Variants in FMR1 observed in about 807,000 individuals in gnomAD.
FMR1 encodes the protein FMRP translational regulator 1.
A neutral mutation model predicts 50.6 loss-of-function variants in FMR1; 13 were observed. The ratio of observed to expected loss-of-function variants is 0.26; its 90% CI spans 0.17 to 0.41. The LOEUF (loss-of-function observed/expected upper bound fraction) is 0.41, where lower values mean the gene tolerates loss of function less well. Among genes scored for constraint, FMR1 ranks in the 10% least tolerant of loss-of-function variants. FMR1 has a pLI of 1.00. For missense variants in FMR1, 316 were observed against 491.3 expected, an observed-to-expected ratio of 0.64 and a Z score of 3.37; for synonymous variants, 138 against 164.1, an observed-to-expected ratio of 0.84 and a Z score of 1.22.
chrX:147,919,722 CT>C (rs1557176048), intron 1 of FMR1, among the ~76,000 whole-genome samples: 2 of 112,095 alleles, frequency 1.8e-5, no homozygotes, highest in African/African-American at 6.5e-5. Context: ...CGTAGCTTTA[CT>C]TTTATTTAAG....
chrX:147,916,203 AT>A (rs1557175174), intron 1 of FMR1, among the ~76,000 whole-genome samples: 1 of 112,536 alleles, frequency 8.9e-6, no homozygotes, highest in Non-Finnish European at 1.9e-5. Context: ...AAACTGAAGT[AT>A]TCAAAAGTTA....
chrX:147,925,658 A>G (rs375330839), intron 3 of FMR1, 25 bp downstream of exon 3: 26 of 961,341 alleles, frequency 2.7e-5, no homozygotes, highest in Non-Finnish European at 3.9e-5. Context: ...CCATAAAGTC[A>G]TTTAGCACTG....
At chrX:147,913,307 A>G (rs2042685378) in intron 1 of FMR1, 1 of 112,326 alleles carries the variant, frequency 8.9e-6, no homozygotes, top group East Asian at 2.8e-4. Flanking sequence ...TACAAATTTG[A>G]TGTAGCAGTA....
intron 1 of FMR1, 145 bp downstream of exon 1, chrX:147,912,375 GA>G: frequency 1.8e-6 from 1 of 557,657 alleles, no homozygotes; most frequent in Non-Finnish European, 2.9e-6. Flanking sequence ...TGTTGGGAGG[GA>G]AGGACTGGAC....
chrX:147,921,790 A>C (rs1602957229), intron 1 of FMR1, 143 bp from the exon 2 acceptor site: 2 of 464,304 alleles, frequency 4.3e-6, no homozygotes, highest in Admixed American at 3.4e-5. Context: ...TTAATGAATA[A>C]AATGATCTTC....
At chrX:147,940,017 C>T (rs1379370227) in intron 12 of FMR1, 18 of 105,367 alleles carry the variant, frequency 1.7e-4, no homozygotes, top group African/African-American at 5.2e-4. Flanking sequence ...AAACATTAGC[C>T]GGGCGTAGTG....
chrX:147,939,933 G>A (rs1557180369), intron 12 of FMR1, among the ~76,000 whole-genome samples: 2 of 101,370 alleles, frequency 2.0e-5, no homozygotes, highest in Admixed American at 1.1e-4. Flanking sequence ...AGGCGGAGGC[G>A]GGCGGATCAC....
intron 9 of FMR1, 53 bp from the exon 10 acceptor site, chrX:147,936,451 A>G: frequency 1.4e-6 from 1 of 735,040 alleles, no homozygotes. Flanking sequence ...GGCTGTGCTT[A>G]CTGCTTTGAG....
At chrX:147,944,434 A>G in intron 14 of FMR1, 1 of 753,430 alleles carries the variant, frequency 1.3e-6, no homozygotes, top group Non-Finnish European at 1.6e-6. Context: ...GAAATGACCA[A>G]AATATATACA....
Position 147,950,679 on chromosome X carries a change from T to C in FMR1, c.*1835T>C, listed in dbSNP as rs1557183505. ...TCCTTACAAATGATTGCTTTTAAAA[T>C]TTTAAGCTAGGAAAAGAAATCTATA... On this transcript the variant is annotated 3_prime_UTR_variant, in exon 17 of 17. Coordinates refer to ENST00000370475, the MANE Select transcript of FMR1 (RefSeq NM_002024.6). The C allele has an allele frequency of 6.1e-6, 2 of 326,497 alleles. No homozygotes were observed. The highest frequency in any genetic ancestry group is 6.3e-5 in the Admixed American group (2 of 31,744). The allele number at this position is 326,497 out of a possible 1,213,427, so 26.9% of individuals were successfully genotyped here.
intron 1 of FMR1, chrX:147,913,607 T>G (rs2124398465): frequency 8.9e-6 from 1 of 112,403 alleles, no homozygotes; most frequent in East Asian, 2.8e-4. Context: ...TGGAGATCAG[T>G]ATATTTCATA....
At position 147,912,077 on chromosome X, in the gene FMR1, G is replaced by A; in HGVS notation, c.-103G>A. 1 of 366,002 alleles carries A rather than the reference G, an allele frequency of 2.7e-6. No homozygotes were observed. The highest frequency in any genetic ancestry group is 1.3e-4 in the South Asian group (1 of 7,858). The allele number at this position is 366,002 out of a possible 1,213,427, so 30.2% of individuals were successfully genotyped here. A position where few individuals can be genotyped will look rare whatever the true frequency, so the allele number is the denominator to read the frequency against. Reference sequence around the variant, plus strand: ...GGCGGCGGCGGCGGCGGCGGCGGCGGCGGAGGCGGCGGCGGCGGCGGCGGC... The same window carrying A: ...GGCGGCGGCGGCGGCGGCGGCGGCGACGGAGGCGGCGGCGGCGGCGGCGGC... On this transcript the variant is annotated 5_prime_UTR_variant, in exon 1 of 17. Transcript: ENST00000370475.
chrX:147,936,981 A>G (rs2043810504), intron 10 of FMR1, among the ~76,000 whole-genome samples: 1 of 111,848 alleles, frequency 8.9e-6, no homozygotes, highest in Admixed American at 9.5e-5. Context: ...GCAAAATTGG[A>G]ACACAGGTTT....
At chrX:147,918,675 T>C (rs1199638625) in intron 1 of FMR1, among the ~76,000 whole-genome samples, 1 of 101,025 alleles carries the variant, frequency 9.9e-6, no homozygotes, top group African/African-American at 3.6e-5. Context: ...AACTGGGCAA[T>C]AACTTTTAGG....
Position 147,944,979 on chromosome X carries a change from A to G in FMR1, c.1582A>G (p.Arg528Gly), listed in dbSNP as rs2044125910. 5.8e-6 allele frequency: 7 copies of G among 1,204,084 alleles called. No homozygotes were observed. In the East Asian group the frequency reaches 2.1e-4, roughly 36 times the overall value. The change falls in exon 15 of 17, where the codon AGA becomes GGA. Residue 528 changes from arginine (R) to glycine (G), a missense_variant. Arg to Gly is a moderately radical substitution (Grantham distance 125). Coordinates refer to ENST00000370475, the MANE Select transcript of FMR1 (RefSeq NM_002024.6). ...GGAAGAGAGGGAGAGCTTCCTGCGCAGAGGAGACGGACGGCGGCGTGGAGG... is the reference window on the plus strand; with the variant it reads ...GGAAGAGAGGGAGAGCTTCCTGCGCGGAGGAGACGGACGGCGGCGTGGAGG... ...TEEERESFLR[R>G]GDGRRRGGGG...
Position 147,944,400 on chromosome X carries a change from G to A in FMR1, c.1472-469G>A, listed in dbSNP as rs191232926. On this transcript the variant is annotated intron_variant, in intron 14 of 16. Coordinates refer to ENST00000370475, the MANE Select transcript of FMR1 (RefSeq NM_002024.6). The stretch of plus-strand genomic sequence containing the variant: ...ACCCTTCCCTGAAGCAGTTGCCATG[G>A]TGGCCTCCTTTGCCACCCTCTCAGA... 3.2e-5 allele frequency: 24 copies of A among 752,095 alleles called. No individual in the cohort carries two copies. The African/African-American group carries it at 3.7e-4, about 12-fold the overall frequency. 62.0% of individuals were successfully genotyped at this position (752,095 alleles called of 1,213,427 possible).
At chrX:147,918,554 G>GTTTTTTTTTT (rs2042989205) in intron 1 of FMR1, among the ~76,000 whole-genome samples, 3 of 18,746 alleles carry the variant, frequency 1.6e-4, no homozygotes, top group African/African-American at 6.0e-4. Context: ...GCCTGCAAAA[G>GTTTTTTTTTT]CTTTTTTTTT....
chrX:147,924,255 T>A (rs2043299805), intron 2 of FMR1, among the ~76,000 whole-genome samples: 1 of 110,778 alleles, frequency 9.0e-6, no homozygotes, highest in South Asian at 3.8e-4. Context: ...TGACTTAATA[T>A]TTGCCCGCTT....
chrX:147,947,436 C>G (rs1345711888), intron 16 of FMR1: 2 of 103,913 alleles, frequency 1.9e-5, no homozygotes, highest in African/African-American at 7.2e-5. Context: ...AAGGGCCAGG[C>G]ACGGTGGCGC....
Sources: gnomAD v4.1 joint callset for allele counts (sites outside exome capture counted in the v4.1 genomes callset) on GRCh38, gnomAD v4.1.1 for gene constraint, MANE v1.5 for transcripts, NCBI Gene and HGNC (gene_info 2026-07-23, HGNC 2026-07-21) for gene names.